Variants in SLC36A1 observed in about 807,000 individuals in gnomAD.
The protein encoded by SLC36A1 is proton-coupled amino acid transporter 1.
A neutral mutation model predicts 47.5 loss-of-function variants in SLC36A1; 30 were observed. The observed-to-expected ratio is 0.63, with a 90% CI of 0.47 to 0.86. The LOEUF (loss-of-function observed/expected upper bound fraction) is 0.86. Among genes scored for constraint, SLC36A1 ranks in the 40% least tolerant of loss-of-function variants. The pLI is 0.00. For synonymous variants in SLC36A1, 255 were observed against 249.7 expected, an observed-to-expected ratio of 1.02 and a Z score of -0.20; for missense variants, 517 against 606.0, an observed-to-expected ratio of 0.85 and a Z score of 1.54.
At chr5:151,550,763 G>T in the SLC36A1 span, 819 of 1,614,048 alleles carry the variant, frequency 5.1e-4, 8 homozygotes, top group South Asian at 5.2e-3. Context: ...GCCTGGACTC[G>T]CAGGAGCTCT....
chr5:151,507,015 G>T, the SLC36A1 span: 1 of 715,346 alleles, frequency 1.4e-6, no homozygotes, highest in Non-Finnish European at 2.3e-6. Context: ...CTGTAATCTT[G>T]AACACATCTC....
chr5:151,542,721 A>G, the SLC36A1 span: 3 of 1,614,232 alleles, frequency 1.9e-6, no homozygotes, highest in South Asian at 1.1e-5. Flanking sequence ...GGACAGCCTT[A>G]TATGGATCAG....
chr5:151,388,631 C>T, the SLC36A1 span, among the ~76,000 whole-genome samples: 1 of 152,004 alleles, frequency 6.6e-6, no homozygotes, highest in Non-Finnish European at 1.5e-5. Context: ...GTGTCATGGG[C>T]CACCGTCACT....
chr5:151,551,663 A>G, the SLC36A1 span: 4 of 1,589,984 alleles, frequency 2.5e-6, no homozygotes, highest in Non-Finnish European at 2.6e-6. Context: ...GCAGCATAGC[A>G]TAAGATAGGC....
the SLC36A1 span, chr5:151,517,909 G>A: frequency 3.0e-6 from 3 of 1,005,938 alleles, no homozygotes; most frequent in Non-Finnish European, 2.9e-6. Context: ...TGGGTGTGGG[G>A]TGTGCCATAC....
At chr5:151,469,921 A>G (rs746689283) in intron 7 of SLC36A1, among the ~76,000 whole-genome samples, 12 of 152,210 alleles carry the variant, frequency 7.9e-5, no homozygotes, top group Admixed American at 1.3e-4. Context: ...CCAGGAAGAC[A>G]GTGGCTCATA....
intron 10 of SLC36A1, among the ~76,000 whole-genome samples, chr5:151,486,317 G>T (rs181790997): frequency 3.3e-5 from 5 of 152,196 alleles, no homozygotes; most frequent in Admixed American, 2.6e-4. Flanking sequence ...CTTCCCACCA[G>T]GCCCCACCTC....
At position 151,488,181 on chromosome 5, in the gene SLC36A1, A is replaced by G. The variant is rs150913271; in HGVS notation, c.1358A>G (p.Tyr453Cys). The G allele has an allele frequency of 8.0e-5, 129 of 1,614,154 alleles. No individual in the cohort carries two copies. The highest frequency in any genetic ancestry group is 4.9e-4 in the Middle Eastern group (3 of 6,062). Residue 453 changes from tyrosine to cysteine, a missense_variant, in exon 11 of 11, where the codon TAT becomes TGT. Coordinates refer to ENST00000243389, the MANE Select transcript of SLC36A1 (RefSeq NM_078483.4). ...TTCGTGGGCTTTGTGGTGGGGACCT[A>G]TGAGGCTCTCTATGAGCTGATCCAG... ...LGFVGFVVGT[Y>C]EALYELIQPS... is the part of the protein sequence containing the mutation.
the SLC36A1 span, among the ~76,000 whole-genome samples, chr5:151,398,387 G>A: frequency 6.6e-6 from 1 of 152,336 alleles, no homozygotes; most frequent in East Asian, 1.9e-4. Flanking sequence ...AGTAATGCAG[G>A]TGTGCGGGCT....
At chr5:151,476,978 T>C (rs189589995) in intron 9 of SLC36A1, 6 of 674,998 alleles carry the variant, frequency 8.9e-6, no homozygotes, top group Non-Finnish European at 1.3e-5. Flanking sequence ...GATCAGCCGA[T>C]GGGTAAGCCA....
the SLC36A1 span, among the ~76,000 whole-genome samples, chr5:151,376,514 G>A: frequency 6.6e-6 from 1 of 152,054 alleles, no homozygotes; most frequent in Admixed American, 6.5e-5. Flanking sequence ...ATAATAAGTT[G>A]TTAATTGGTG....
At chr5:151,432,640 G>A (rs1368188055), upstream of SLC36A1, among the ~76,000 whole-genome samples, 1 of 152,188 alleles carries the variant, frequency 6.6e-6, no homozygotes, top group East Asian at 1.9e-4. Flanking sequence ...AGATGTGGAA[G>A]CTAGGAAGCT....
At chr5:151,527,221 G>A in the SLC36A1 span, 1 of 1,594,094 alleles carries the variant, frequency 6.3e-7, no homozygotes, top group Non-Finnish European at 8.6e-7. Context: ...GTGCCTTGGA[G>A]GCTCAAGCTT....
the SLC36A1 span, chr5:151,553,083 T>G: frequency 7.6e-6 from 10 of 1,308,192 alleles, no homozygotes; most frequent in Non-Finnish European, 7.7e-6. Context: ...AGCCCGACCT[T>G]GAGAAGAGTC....
the SLC36A1 span, chr5:151,511,663 C>A: frequency 6.2e-6 from 1 of 161,710 alleles, no homozygotes; most frequent in Non-Finnish European, 1.4e-5. Context: ...TTGCTCATGG[C>A]AGCATTGACA....
upstream of SLC36A1, among the ~76,000 whole-genome samples, chr5:151,443,568 C>T (rs1193075625): frequency 6.6e-6 from 1 of 152,106 alleles, no homozygotes; most frequent in Non-Finnish European, 1.5e-5. Context: ...GGATATTAAG[C>T]GCTTATTAGA....
At chr5:151,348,775 T>A in the SLC36A1 span, among the ~76,000 whole-genome samples, 1 of 152,222 alleles carries the variant, frequency 6.6e-6, no homozygotes, top group Non-Finnish European at 1.5e-5. Context: ...AAAGAATAAC[T>A]TGCTGGAGGT....
the SLC36A1 span, among the ~76,000 whole-genome samples, chr5:151,363,825 T>C: frequency 5.9e-5 from 9 of 152,154 alleles, no homozygotes; most frequent in African/African-American, 2.2e-4. Context: ...AAAAATACAC[T>C]AGAACCACAA....
Position 151,484,153 on chromosome 5 carries a change from C to A in SLC36A1, c.1160-3830C>A, listed in dbSNP as rs558633293. On this transcript the variant is annotated intron_variant, in intron 10 of 10. Coordinates refer to ENST00000243389, the MANE Select transcript of SLC36A1 (RefSeq NM_078483.4). ...GGAGCATCTCTCTGACTCCACTTAA[C>A]TATCATGAAGTGCCCATATGTCCTG... is the stretch of plus-strand genomic sequence containing the variant. Among the ~76,000 whole-genome samples, 4 of 152,294 alleles carry A rather than the reference C, an allele frequency of 2.6e-5. No homozygotes were observed. In the East Asian group the frequency reaches 7.7e-4, roughly 29 times the overall value.
Sources: gnomAD v4.1 joint callset for allele counts (sites outside exome capture counted in the v4.1 genomes callset) on GRCh38, gnomAD v4.1.1 for gene constraint, MANE v1.5 for transcripts, NCBI Gene and HGNC (gene_info 2026-07-23, HGNC 2026-07-21) for gene names.